The following LDHB variants were observed in gnomAD, a reference collection of about 807,000 sequenced individuals.
LDHB encodes the protein L-lactate dehydrogenase B chain.
A neutral mutation model predicts 33.4 loss-of-function variants in LDHB; 18 were observed. The ratio of observed to expected loss-of-function variants is 0.54; its 90% CI spans 0.37 to 0.80. LDHB has a LOEUF of 0.80. Among genes scored for constraint, LDHB ranks in the 30% least tolerant of loss-of-function variants. The pLI is 0.00. For synonymous variants in LDHB, 121 were observed against 140.6 expected (o/e 0.86, Z 0.98); for missense variants, 345 against 407.9 (o/e 0.85, Z 1.33).
At chr12:21,638,642 C>A in intron 5 of LDHB, 172 bp from the exon 6 acceptor site, 1 of 588,662 alleles carries the variant, frequency 1.7e-6, no homozygotes, top group Non-Finnish European at 3.0e-6. Context: ...AAAAGGCTGA[C>A]GTTTGCCTTC....
intron 4 of LDHB, 135 bp downstream of exon 4, chr12:21,643,800 T>C: frequency 1.4e-6 from 1 of 718,744 alleles, no homozygotes; most frequent in Non-Finnish European, 2.5e-6. Flanking sequence ...CACCACTATT[T>C]AGGGCCAATG....
chr12:21,640,267 A>AT (rs1183079709), intron 5 of LDHB, among the ~76,000 whole-genome samples: 4 of 151,566 alleles, frequency 2.6e-5, no homozygotes, highest in African/African-American at 9.7e-5. Context: ...TGTTCAAAGA[A>AT]TAATTAATTT....
At chr12:21,652,108 T>TACA (rs10646800) in intron 2 of LDHB, among the ~76,000 whole-genome samples, 143,763 of 152,138 alleles carry the variant, frequency 0.94, 68,428 homozygotes, top group East Asian at 1. Flanking sequence ...AATTTATGAT[T>TACA]ACATCATAGA....
chr12:21,637,548 A>C (rs187018020), intron 6 of LDHB, among the ~76,000 whole-genome samples: 1 of 152,230 alleles, frequency 6.6e-6, no homozygotes, highest in Admixed American at 6.5e-5. Context: ...TGAAAGAACA[A>C]AATATATCTC....
intron 2 of LDHB, among the ~76,000 whole-genome samples, chr12:21,647,585 T>A (rs1369145059): frequency 6.6e-6 from 1 of 152,156 alleles, no homozygotes; most frequent in Non-Finnish European, 1.5e-5. Flanking sequence ...ACTTGCCCAG[T>A]CTCAGATTTC....
rs112251263 is a variant in LDHB, at chr12:21,646,878, T to C, written c.247+21A>G. 8.4e-4 allele frequency: 1,139 copies of C among 1,359,650 alleles called. 6 individuals are homozygous for C. Among genetic ancestry groups the C allele is most frequent in the Middle Eastern group, 6.2e-3 (35 of 5,624 alleles). The allele number at this position is 1,359,650 out of a possible 1,614,324, so 84.2% of individuals were successfully genotyped here. On this transcript the variant is annotated intron_variant, in intron 3 of 7. Transcript: ENST00000350669. ...GCCATGAAAAAAATATTAGATCACT[T>C]TGGGCATTAAGTGAAATTACCTTTA...
At chr12:21,637,217 T>A (rs1938243618) in intron 6 of LDHB, 23 bp from the exon 7 acceptor site, 1 of 1,557,808 alleles carries the variant, frequency 6.4e-7, no homozygotes, top group Admixed American at 1.7e-5. Context: ...ATAAAAGACA[T>A]CACTGAAATA....
chr12:21,635,826 CTA>C, intron 7 of LDHB, 117 bp from the exon 8 acceptor site: 1 of 854,660 alleles, frequency 1.2e-6, no homozygotes, highest in Non-Finnish European at 1.9e-6. Context: ...CTTCAGTGAG[CTA>C]TGACAGCGGT....
intron 7 of LDHB, 69 bp from the exon 8 acceptor site, chr12:21,635,778 C>A: frequency 2.1e-6 from 3 of 1,436,238 alleles, no homozygotes; most frequent in Non-Finnish European, 2.9e-6. Flanking sequence ...AGACAGGAGG[C>A]TGAGGTGGGA....
intron 2 of LDHB, 74 bp downstream of exon 2, chr12:21,654,469 A>T (rs1938781034): frequency 1.4e-6 from 2 of 1,422,132 alleles, no homozygotes; most frequent in South Asian, 1.2e-5. Context: ...GATATAATAA[A>T]ATTCCAAGGT....
intron 3 of LDHB, among the ~76,000 whole-genome samples, chr12:21,644,442 A>C (rs1315642321): frequency 6.8e-6 from 1 of 147,008 alleles, no homozygotes; most frequent in Admixed American, 6.9e-5. Context: ...AAAAAAAAAA[A>C]AAACAAAAAC....
chr12:21,655,729 G>T (rs561559261), intron 1 of LDHB, among the ~76,000 whole-genome samples: 2 of 151,444 alleles, frequency 1.3e-5, no homozygotes, highest in Non-Finnish European at 2.9e-5. Context: ...CCCCTAAAAT[G>T]TAAAAAAAAA....
At chr12:21,639,056 T>C (rs529985283) in intron 5 of LDHB, among the ~76,000 whole-genome samples, 1 of 152,082 alleles carries the variant, frequency 6.6e-6, no homozygotes, top group East Asian at 1.9e-4. Flanking sequence ...GAGTACATTG[T>C]AGACTCTGGA....
Position 21,635,502 on chromosome 12 carries a change from C to T in LDHB, c.*40G>A. ...GAAAACTAAAGGCTCGAGTTAATCA[C>T]ATTGTAGTTTTTAAATTTCTACAGC... On this transcript the variant is annotated 3_prime_UTR_variant, in exon 8 of 8. Coordinates refer to ENST00000350669, the MANE Select transcript of LDHB (RefSeq NM_002300.8). The T allele has an allele frequency of 6.6e-7, 1 of 1,518,960 alleles. No individual in the cohort carries two copies. The highest frequency in any genetic ancestry group is 2.3e-5 in the East Asian group (1 of 44,430). The allele number at this position is 1,518,960 out of a possible 1,614,324, so 94.1% of individuals were successfully genotyped here.
chr12:21,644,410 C>A (rs1479422752), intron 3 of LDHB, among the ~76,000 whole-genome samples: 2 of 62,544 alleles, frequency 3.2e-5, no homozygotes, highest in African/African-American at 5.8e-5. Context: ...ACAGTGACTC[C>A]AATAGGTAGA....
At position 21,644,035 on chromosome 12, in the gene LDHB, C is replaced by G. The variant is rs748447615; in HGVS notation, c.321G>C (p.Arg107=). The G allele has an allele frequency of 6.2e-7, 1 of 1,612,344 alleles. No homozygotes were observed. The highest frequency in any genetic ancestry group is 2.2e-5 in the East Asian group (1 of 44,858). ...TAACATTTCTCTGCACCAGATTGAG[C>G]CGACTCTCCCCTTCTTGCTGACGGA... is the stretch of plus-strand genomic sequence containing the variant. ...AGVRQQEGES[R]LNLVQRNVNV... is the part of the protein sequence containing the mutation. Residue 107 remains arginine, a synonymous_variant, in exon 4 of 8, where the codon CGG becomes CGC. Transcript: ENST00000350669.
rs149256045 is a variant in LDHB, at chr12:21,637,864, T to G, written c.713+489A>C. On this transcript the variant is annotated intron_variant, in intron 6 of 7. Coordinates refer to ENST00000350669, the MANE Select transcript of LDHB (RefSeq NM_002300.8). Reference sequence around the variant, plus strand: ...AATTATAAAGACTCTTTCAACTTTTTTAAGGTTCCTTTTCTCCACATATAG... The same window carrying G: ...AATTATAAAGACTCTTTCAACTTTTGTAAGGTTCCTTTTCTCCACATATAG... Among the ~76,000 whole-genome samples the G allele has an allele frequency of 4.0e-5, 6 of 149,756 alleles. No homozygotes were observed. The East Asian group carries it at 1.2e-3, about 30-fold the overall frequency.
rs191313959 is a variant in LDHB, at chr12:21,648,226, A to C, written c.130-1210T>G. Among the ~76,000 whole-genome samples the C allele has an allele frequency of 1.0e-3, 159 of 152,266 alleles. 2 individuals are homozygous for C. Among genetic ancestry groups the C allele is most frequent in the African/African-American group, 3.6e-3 (151 of 41,536 alleles). On this transcript the variant is annotated intron_variant, in intron 2 of 7. Coordinates refer to ENST00000350669, the MANE Select transcript of LDHB (RefSeq NM_002300.8). ...CAAAAATATCAGCTAAGTAGAATAC[A>C]TCAATACTGGGGCCCAGTTAAAAAT...
chr12:21,652,639 T>G (rs1938724826), intron 2 of LDHB, among the ~76,000 whole-genome samples: 1 of 147,048 alleles, frequency 6.8e-6, no homozygotes, highest in Non-Finnish European at 1.5e-5. Flanking sequence ...GATAGGGAGC[T>G]GCTATCCTAA....
Sources: allele counts gnomAD v4.1 joint callset (sites outside exome capture counted in the v4.1 genomes callset), GRCh38; gene constraint gnomAD v4.1.1; transcripts MANE v1.5; gene names NCBI Gene and HGNC (gene_info 2026-07-23, HGNC 2026-07-21).